VPS13D: variants seen among roughly 807,000 people sequenced by gnomAD.
The protein encoded by VPS13D is intermembrane lipid transfer protein VPS13D.
A neutral mutation model predicts 461.9 loss-of-function variants in VPS13D; 187 were observed. That is an observed-to-expected ratio of 0.40 (90% confidence interval 0.36 to 0.46). The LOEUF (loss-of-function observed/expected upper bound fraction) is 0.46. VPS13D is among the 20% of genes least tolerant of loss of function. VPS13D has a pLI of 0.60. For synonymous variants in VPS13D, 1,951 were observed against 1,986.3 expected, an observed-to-expected ratio of 0.98 and a Z score of 0.47; for missense variants, 4,711 against 5,364.9, an observed-to-expected ratio of 0.88 and a Z score of 3.81.
At chr1:12,479,435 T>C (rs934286256) in intron 67 of VPS13D, among the ~76,000 whole-genome samples, 3 of 152,260 alleles carry the variant, frequency 2.0e-5, no homozygotes, top group African/African-American at 7.2e-5. Flanking sequence ...CTGCTCGGGA[T>C]GACAGTGCTG....
chr1:12,236,322 G>A (rs1222408341), intron 2 of VPS13D, among the ~76,000 whole-genome samples: 4 of 152,182 alleles, frequency 2.6e-5, no homozygotes, highest in East Asian at 1.9e-4. Context: ...CTGCTTGTTC[G>A]TCTCTGACAC....
At chr1:12,275,720 A>G (rs1641589810) in intron 18 of VPS13D, 105 bp from the exon 19 acceptor site, 2 of 1,195,008 alleles carry the variant, frequency 1.7e-6, no homozygotes, top group South Asian at 3.7e-5. Context: ...GTTTTCTTAA[A>G]CAAACTGGGG....
At chr1:12,419,587 G>T (rs890407486) in intron 65 of VPS13D, among the ~76,000 whole-genome samples, 2 of 152,112 alleles carry the variant, frequency 1.3e-5, no homozygotes, top group East Asian at 3.9e-4. Flanking sequence ...GGGAAAGAAG[G>T]GGGAGGTGCT....
At chr1:12,392,318 TAAAAATGCA>T (rs1644437282) in intron 60 of VPS13D, among the ~76,000 whole-genome samples, 1 of 151,692 alleles carries the variant, frequency 6.6e-6, no homozygotes, top group Non-Finnish European at 1.5e-5. Flanking sequence ...CCATCTCTAT[TAAAAATGCA>T]AAGATTATCC....
intron 46 of VPS13D, among the ~76,000 whole-genome samples, chr1:12,352,997 G>T (rs1485630446): frequency 4.3e-5 from 2 of 46,102 alleles, no homozygotes; most frequent in Non-Finnish European, 9.8e-5. Context: ...AAAAAAAAAA[G>T]GACCCAGCAA....
intron 67 of VPS13D, among the ~76,000 whole-genome samples, chr1:12,487,447 A>G (rs1014815755): frequency 5.3e-5 from 8 of 152,072 alleles, no homozygotes; most frequent in Non-Finnish European, 1.2e-4. Context: ...CGTCTCTACT[A>G]AAAATACAAA....
chr1:12,253,708 C>CT lies in VPS13D; in HGVS notation c.565-8dup. ...ACAGTCATCCTATTTTCTTCTTTGTCTTTTTTACCTCAGGTACAGAAACTA... is the reference window on the plus strand; with the variant it reads ...ACAGTCATCCTATTTTCTTCTTTGTCTTTTTTTACCTCAGGTACAGAAACTA... On this transcript the variant is annotated splice_polypyrimidine_tract_variant and intron_variant, in intron 6 of 69. Transcript: ENST00000620676. 2 of 1,599,006 alleles carry CT rather than the reference C, an allele frequency of 1.3e-6. No individual in the cohort carries two copies. Among genetic ancestry groups the CT allele is most frequent in the Non-Finnish European group, 1.7e-6 (2 of 1,166,662 alleles).
intron 54 of VPS13D, among the ~76,000 whole-genome samples, chr1:12,373,437 T>C (rs565742906): frequency 2.6e-4 from 39 of 152,054 alleles, no homozygotes; most frequent in Non-Finnish European, 5.4e-4. Flanking sequence ...TTTGCCTTTT[T>C]TTTTGGTGGG....
chr1:12,381,301 T>A (rs1644268913), intron 57 of VPS13D, among the ~76,000 whole-genome samples: 2 of 152,230 alleles, frequency 1.3e-5, no homozygotes, highest in South Asian at 4.1e-4. Context: ...AAACCTGTAC[T>A]ATAAACCCTG....
At chr1:12,364,804 A>G (rs376103413) in intron 52 of VPS13D, among the ~76,000 whole-genome samples, 1 of 152,208 alleles carries the variant, frequency 6.6e-6, no homozygotes, top group African/African-American at 2.4e-5. Flanking sequence ...TCTTCATTGG[A>G]AAAAATATCT....
chr1:12,388,019 AC>A (rs1369933499), intron 60 of VPS13D, among the ~76,000 whole-genome samples: 10 of 152,258 alleles, frequency 6.6e-5, no homozygotes, highest in African/African-American at 2.4e-4. Context: ...AGTCTGTTCT[AC>A]ACAAAGTAAT....
intron 63 of VPS13D, among the ~76,000 whole-genome samples, 194 bp from the exon 64 acceptor site, chr1:12,414,893 G>A (rs1238954069): frequency 6.6e-6 from 1 of 152,174 alleles, no homozygotes; most frequent in Non-Finnish European, 1.5e-5. Flanking sequence ...GGTGATATAT[G>A]TCTGTCTATA....
At chr1:12,482,320 C>G (rs547441894) in intron 67 of VPS13D, among the ~76,000 whole-genome samples, 5 of 152,370 alleles carry the variant, frequency 3.3e-5, no homozygotes, top group African/African-American at 1.2e-4. Flanking sequence ...CCTGGCCATT[C>G]TGACGCCTTC....
intron 27 of VPS13D, among the ~76,000 whole-genome samples, chr1:12,310,286 TG>T (rs1377400419): frequency 6.6e-6 from 1 of 152,222 alleles, no homozygotes; most frequent in Non-Finnish European, 1.5e-5. Context: ...TGTTTTTCTT[TG>T]TTATTGCATC....
At chr1:12,432,206 T>G (rs181263693) in intron 65 of VPS13D, among the ~76,000 whole-genome samples, 88 of 151,948 alleles carry the variant, frequency 5.8e-4, no homozygotes, top group Admixed American at 1.0e-3. Context: ...TTAGCCTGAC[T>G]AACTTGGAGA....
In VPS13D at chr1:12,323,969, C is replaced by T. The variant is rs558874829; in HGVS notation, c.7990+189C>T. ...CGTCACCCAGGCTGGAGTGCAGTGG[C>T]GCCACCTCAGCTCACTGCAACCTCC... On this transcript the variant is annotated intron_variant, in intron 35 of 69. Transcript: ENST00000620676. 2.0e-3 allele frequency among the ~76,000 whole-genome samples: 297 copies of T among 152,180 alleles called. 1 individual carries two copies. Among genetic ancestry groups the T allele is most frequent in the African/African-American group, 6.7e-3 (280 of 41,524 alleles).
chr1:12,418,629 G>C (rs766893732), intron 65 of VPS13D, among the ~76,000 whole-genome samples: 2 of 152,106 alleles, frequency 1.3e-5, no homozygotes, highest in Non-Finnish European at 1.5e-5. Flanking sequence ...CTACTTTACA[G>C]GTTTATTGTG....
At position 12,299,468 on chromosome 1, in the gene VPS13D, T is replaced by C. The variant is rs1196780729; in HGVS notation, c.6216+84T>C. On this transcript the variant is annotated intron_variant, in intron 25 of 69. Transcript: ENST00000620676. The surrounding 1 kb of genome is among the most constrained non-coding windows in gnomAD (Gnocchi z 4.2). The stretch of plus-strand genomic sequence containing the variant: ...AAATTTGTATGCTGCTGTAAGATGA[T>C]CCATAATTGCTATTACTTTTGTAGG... The C allele has an allele frequency of 2.1e-6, 3 of 1,442,832 alleles. No homozygotes were observed. Among genetic ancestry groups the C allele is most frequent in the Non-Finnish European group, 2.8e-6 (3 of 1,078,956 alleles). The allele number at this position is 1,442,832 out of a possible 1,614,324, so 89.4% of individuals were successfully genotyped here. A position where few individuals can be genotyped will look rare whatever the true frequency, so the allele number is the denominator to read the frequency against.
In VPS13D at chr1:12,268,092, G is replaced by C. The variant is rs1287084259; in HGVS notation, c.1801+172G>C. Among the ~76,000 whole-genome samples, 4 of 151,838 alleles carry C rather than the reference G, an allele frequency of 2.6e-5. 1 individual carries two copies. Among genetic ancestry groups the C allele is most frequent in the African/African-American group, 9.7e-5 (4 of 41,336 alleles). ...TTCTCATGCCCTTGCCAGGATTACT[G>C]GTGTGTGCCACCATGTCTGGGTAAT... On this transcript the variant is annotated intron_variant, in intron 15 of 69. Coordinates refer to ENST00000620676, the MANE Select transcript of VPS13D (RefSeq NM_015378.4).
Sources: gnomAD v4.1 joint callset for allele counts (sites outside exome capture counted in the v4.1 genomes callset) on GRCh38, gnomAD v4.1.1 for gene constraint, Gnocchi (gnomAD v3.1) non-coding constraint, MANE v1.5 for transcripts, NCBI Gene and HGNC (gene_info 2026-07-23, HGNC 2026-07-21) for gene names.